Variants in NTF3 observed in about 807,000 individuals in gnomAD.
NTF3 encodes the protein neurotrophin-3.
Under a neutral mutation model 26.3 loss-of-function variants are expected in NTF3, and 8 were observed. That is an observed-to-expected ratio of 0.30 (90% CI 0.18 to 0.55). The LOEUF is 0.55. Among genes scored for constraint, NTF3 ranks in the 20% least tolerant of loss-of-function variants. The pLI, the probability that NTF3 is intolerant of heterozygous loss-of-function variation, is 0.93. For synonymous variants in NTF3, 154 were observed against 145.5 expected (o/e 1.06, Z -0.42); for missense variants, 276 against 352.9 (o/e 0.78, Z 1.75).
chr12:5,466,417 A>T (rs1302934993), intron 1 of NTF3, among the ~76,000 whole-genome samples: 1 of 152,216 alleles, frequency 6.6e-6, no homozygotes, highest in Non-Finnish European at 1.5e-5. Flanking sequence ...GCCTGCAAGG[A>T]TAATGCTATA....
At chr12:5,471,346 CTG>C (rs1204312810) in intron 1 of NTF3, among the ~76,000 whole-genome samples, 1 of 152,178 alleles carries the variant, frequency 6.6e-6, no homozygotes, top group African/African-American at 2.4e-5. Flanking sequence ...CACAGAAGCA[CTG>C]TGTGAGTTTG....
At chr12:5,464,362 C>A (rs1940561662) in intron 1 of NTF3, among the ~76,000 whole-genome samples, 1 of 152,150 alleles carries the variant, frequency 6.6e-6, no homozygotes, top group African/African-American at 2.4e-5. Context: ...AGACAGCCCC[C>A]AACTTAACAG....
At chr12:5,457,344 A>G (rs1010856474) in intron 1 of NTF3, among the ~76,000 whole-genome samples, 3 of 152,036 alleles carry the variant, frequency 2.0e-5, no homozygotes, top group Non-Finnish European at 2.9e-5. Context: ...TTCCTGTTCA[A>G]TGCTTAAACC....
intron 1 of NTF3, among the ~76,000 whole-genome samples, chr12:5,437,306 T>G (rs1202319830): frequency 2.6e-5 from 4 of 152,318 alleles, no homozygotes; most frequent in South Asian, 4.1e-4. Context: ...TTGGCGAGAT[T>G]GGGCCAATTA....
intron 1 of NTF3, among the ~76,000 whole-genome samples, chr12:5,454,514 C>A (rs193233128): frequency 6.6e-6 from 1 of 152,190 alleles, no homozygotes; most frequent in Admixed American, 6.5e-5. Flanking sequence ...TGTTGGGCAC[C>A]TGTAACTCCT....
At chr12:5,462,452 G>A (rs1431180544) in intron 1 of NTF3, among the ~76,000 whole-genome samples, 1 of 152,154 alleles carries the variant, frequency 6.6e-6, no homozygotes, top group Non-Finnish European at 1.5e-5. Context: ...AGAGGCTCGA[G>A]GTAAGGATTA....
chr12:5,432,157 C>T lies in NTF3; in HGVS notation c.-168C>T. On this transcript the variant is annotated 5_prime_UTR_variant, in exon 1 of 2. Coordinates refer to ENST00000423158, the MANE Select transcript of NTF3 (RefSeq NM_001102654.2). ...TTCCGAACAGCTCCGCGCACCGCCC[C>T]GCGACGCAGCCCGGCGCAACTACTT... The T allele has an allele frequency of 1.3e-6, 1 of 772,296 alleles. No individual in the cohort carries two copies. Among genetic ancestry groups the T allele is most frequent in the Non-Finnish European group, 2.2e-6 (1 of 451,168 alleles). 47.8% of individuals were successfully genotyped at this position (772,296 alleles called of 1,614,324 possible).
intron 1 of NTF3, among the ~76,000 whole-genome samples, chr12:5,461,136 T>A (rs1940519665): frequency 6.6e-6 from 1 of 152,226 alleles, no homozygotes; most frequent in Non-Finnish European, 1.5e-5. Context: ...TTTGAAGTCA[T>A]TATTGCTTCA....
intron 1 of NTF3, among the ~76,000 whole-genome samples, chr12:5,474,281 A>T (rs768080876): frequency 6.6e-6 from 1 of 152,240 alleles, no homozygotes; most frequent in Non-Finnish European, 1.5e-5. Flanking sequence ...AGTGGAGCAG[A>T]CAGGCAAGAA....
intron 1 of NTF3, among the ~76,000 whole-genome samples, chr12:5,474,296 G>T (rs778582083): frequency 4.6e-5 from 7 of 152,222 alleles, no homozygotes; most frequent in Non-Finnish European, 8.8e-5. Context: ...CAAGAAAAAG[G>T]ATGGTTGTAA....
intron 1 of NTF3, among the ~76,000 whole-genome samples, chr12:5,471,430 A>G (rs75041645): frequency 6.6e-6 from 1 of 152,184 alleles, no homozygotes; most frequent in African/African-American, 2.4e-5. Flanking sequence ...CCAAGAATAC[A>G]TCAAACAAAG....
At chr12:5,486,880 GGTGTGTGTGTGTGTGTGTGTGTGTGTGT>G (rs10527557) in intron 1 of NTF3, among the ~76,000 whole-genome samples, 1 of 148,700 alleles carries the variant, frequency 6.7e-6, no homozygotes, top group African/African-American at 2.5e-5. Flanking sequence ...GTAGTTACGT[GGTGTGTGTGTGTGTGTGTGTGTGTGTGT>G]GTGTGTGTGT....
chr12:5,430,513 G>C (rs1358305840), upstream of NTF3, among the ~76,000 whole-genome samples: 1 of 151,284 alleles, frequency 6.6e-6, no homozygotes, highest in Non-Finnish European at 1.5e-5. Flanking sequence ...GGCGGTTTTC[G>C]ATGTGGCAAC....
chr12:5,431,971 G>C (rs1039882564), upstream of NTF3: 7 of 149,796 alleles, frequency 4.7e-5, no homozygotes, highest in Non-Finnish European at 1.0e-4. Flanking sequence ...CGGGGGGGGG[G>C]CTCTGGGGCG....
Position 5,436,093 on chromosome 12 carries a change from C to T in NTF3, c.18+3751C>T, listed in dbSNP as rs116228300. Among the ~76,000 whole-genome samples the T allele has an allele frequency of 7.8e-3, 1,189 of 152,272 alleles. 13 individuals carry two copies. Among genetic ancestry groups the T allele is most frequent in the African/African-American group, 0.027 (1,119 of 41,544 alleles). On this transcript the variant is annotated intron_variant, in intron 1 of 1. Transcript: ENST00000423158. ...AGGTGTCGTTGATCGGGTCCATACC[C>T]TGAGATGGCTGGTGAGGCAACTGGG... is the stretch of plus-strand genomic sequence containing the variant.
At chr12:5,487,537 C>T (rs1940881401) in intron 1 of NTF3, among the ~76,000 whole-genome samples, 1 of 152,184 alleles carries the variant, frequency 6.6e-6, no homozygotes, top group African/African-American at 2.4e-5. Context: ...TTTATTTTAT[C>T]CTAGAGTATG....
At chr12:5,434,383 G>A (rs565099908) in intron 1 of NTF3, among the ~76,000 whole-genome samples, 1 of 152,196 alleles carries the variant, frequency 6.6e-6, no homozygotes, top group African/African-American at 2.4e-5. Flanking sequence ...TAGAGGGTTT[G>A]GTTGTGTGTG....
At chr12:5,458,538 A>G (rs1490820152) in intron 1 of NTF3, among the ~76,000 whole-genome samples, 1 of 152,218 alleles carries the variant, frequency 6.6e-6, no homozygotes, top group Non-Finnish European at 1.5e-5. Context: ...TAAAAAGTTG[A>G]TGAATGAATG....
At chr12:5,459,837 A>T (rs1940504889) in intron 1 of NTF3, among the ~76,000 whole-genome samples, 1 of 152,166 alleles carries the variant, frequency 6.6e-6, no homozygotes, top group African/African-American at 2.4e-5. Flanking sequence ...TGTGCTTTTG[A>T]TTCATGCCTT....
Sources: gnomAD v4.1 joint callset for allele counts (sites outside exome capture counted in the v4.1 genomes callset) on GRCh38, gnomAD v4.1.1 for gene constraint, MANE v1.5 for transcripts, NCBI Gene and HGNC (gene_info 2026-07-23, HGNC 2026-07-21) for gene names.